The following FAM184B variants were observed in gnomAD, a reference collection of about 807,000 sequenced individuals.
FAM184B encodes family with sequence similarity 184 member B.
In FAM184B, 111 loss-of-function variants were observed where a neutral mutation model predicts 135.9. The ratio of observed to expected loss-of-function variants is 0.82; its 90% CI spans 0.70 to 0.96. FAM184B has a LOEUF of 0.96. Ranked by LOEUF, FAM184B falls within the 40% of genes least tolerant of loss-of-function variation. The probability of loss-of-function intolerance (pLI) is 0.00; values close to 1 mark genes in which losing one functional copy is unlikely to be tolerated. For synonymous variants in FAM184B, 552 were observed against 524.8 expected (o/e 1.05, Z -0.71); for missense variants, 1,375 against 1,323.9 (o/e 1.04, Z -0.60).
chr4:17,770,384 G>T (rs1417674402), intron 1 of FAM184B, among the ~76,000 whole-genome samples: 1 of 152,198 alleles, frequency 6.6e-6, no homozygotes, highest in African/African-American at 2.4e-5. Context: ...AATGGAGGTG[G>T]ACTTACTCAT....
intron 7 of FAM184B, 119 bp downstream of exon 7, chr4:17,688,305 A>T: frequency 1.5e-6 from 1 of 670,228 alleles, no homozygotes; most frequent in South Asian, 2.0e-5. Flanking sequence ...GCATTTTGGC[A>T]GTGTCGAGGA....
intron 12 of FAM184B, among the ~76,000 whole-genome samples, chr4:17,646,658 A>G (rs559242020): frequency 5.9e-5 from 9 of 152,198 alleles, no homozygotes; most frequent in Non-Finnish European, 1.2e-4. Flanking sequence ...GCAGCACACC[A>G]ACATGGCACA....
Position 17,781,027 on chromosome 4 carries a change from C to T in FAM184B, c.141+132G>A. 8.5e-7 allele frequency: 1 copy of T among 1,180,296 alleles called. No homozygotes were observed. Among genetic ancestry groups the T allele is most frequent in the Non-Finnish European group, 1.1e-6 (1 of 869,600 alleles). 73.1% of individuals were successfully genotyped at this position (1,180,296 alleles called of 1,614,324 possible). ...GTCACCCAGATTTAGGACCGCTTCCCTTCCCGGTTGGCCTCCGAGACAAAG... is the reference window on the plus strand; with the variant it reads ...GTCACCCAGATTTAGGACCGCTTCCTTTCCCGGTTGGCCTCCGAGACAAAG... On this transcript the variant is annotated intron_variant, in intron 1 of 17. Coordinates refer to ENST00000265018, the MANE Select transcript of FAM184B (RefSeq NM_015688.2). This position sits in a 1 kb window ranked among gnomAD's most constrained non-coding sequence, Gnocchi z 6.5.
intron 1 of FAM184B, among the ~76,000 whole-genome samples, chr4:17,723,887 T>A (rs1717584980): frequency 6.6e-6 from 1 of 152,154 alleles, no homozygotes; most frequent in African/African-American, 2.4e-5. Flanking sequence ...ATGACCTCTT[T>A]TGTTCGTGCC....
At chr4:17,729,025 T>C (rs1717706982) in intron 1 of FAM184B, among the ~76,000 whole-genome samples, 1 of 152,196 alleles carries the variant, frequency 6.6e-6, no homozygotes, top group South Asian at 2.1e-4. Flanking sequence ...AGACGGCACC[T>C]GGAAAATCGG....
intron 3 of FAM184B, 145 bp downstream of exon 3, chr4:17,707,504 A>T: frequency 1.0e-6 from 1 of 981,470 alleles, no homozygotes; most frequent in Non-Finnish European, 1.5e-6. Context: ...CCCTGCAGGG[A>T]TTGGTCTCAC....
At position 17,655,338 on chromosome 4, in the gene FAM184B, C is replaced by G. The variant is rs181471004; in HGVS notation, c.2038-2355G>C. Reference sequence around the variant, plus strand: ...ACTCTCTCACTCTGACCCAGCCTCTCTCCATCCCTGGGGGCAAGTAAAGGT... The same window carrying G: ...ACTCTCTCACTCTGACCCAGCCTCTGTCCATCCCTGGGGGCAAGTAAAGGT... On this transcript the variant is annotated intron_variant, in intron 10 of 17. Coordinates refer to ENST00000265018, the MANE Select transcript of FAM184B (RefSeq NM_015688.2). 2.6e-5 allele frequency among the ~76,000 whole-genome samples: 4 copies of G among 152,286 alleles called. No homozygotes were observed. In the East Asian group the frequency reaches 7.7e-4, roughly 29 times the overall value.
At position 17,781,532 on chromosome 4, in the gene FAM184B, G is replaced by C; in HGVS notation, c.-233C>G. 2 of 469,570 alleles carry C rather than the reference G, an allele frequency of 4.3e-6. No individual in the cohort carries two copies. The highest frequency in any genetic ancestry group is 3.6e-6 in the Non-Finnish European group (1 of 275,992). 29.1% of individuals were successfully genotyped at this position (469,570 alleles called of 1,614,324 possible). ...TGGTTCTCTGGCTGGCTGGCTCCGC[G>C]GGCACCCGCACCCTGCGGCGAGGCG... is the stretch of plus-strand genomic sequence containing the variant. On this transcript the variant is annotated 5_prime_UTR_variant, in exon 1 of 18. Transcript: ENST00000265018. The surrounding 1 kb of genome is among the most constrained non-coding windows in gnomAD (Gnocchi z 6.5).
rs547107682 is a variant in FAM184B, at chr4:17,696,842, A to G, written c.1378-3430T>C. Among the ~76,000 whole-genome samples, 139 of 149,444 alleles carry G rather than the reference A, an allele frequency of 9.3e-4. 1 individual carries two copies. Among genetic ancestry groups the G allele is most frequent in the African/African-American group, 2.6e-3 (102 of 39,698 alleles). On this transcript the variant is annotated intron_variant, in intron 5 of 17. Coordinates refer to ENST00000265018, the MANE Select transcript of FAM184B (RefSeq NM_015688.2). The stretch of plus-strand genomic sequence containing the variant: ...TGAATGAATGAATGAATAAATAAAT[A>G]AATAAATAAATAAATAGTAAAAGGG...
Position 17,631,989 on chromosome 4 carries a change from A to C in FAM184B, c.*543T>G, listed in dbSNP as rs1714959500. ...GAAATACAAGGTATGGGTCATTAGT[A>C]ACGCTAATAACATTTTCCTATAGAT... On this transcript the variant is annotated 3_prime_UTR_variant, in exon 18 of 18. Transcript: ENST00000265018. The C allele has an allele frequency of 6.6e-6, 1 of 151,112 alleles. No homozygotes were observed. The highest frequency in any genetic ancestry group is 1.5e-5 in the Non-Finnish European group (1 of 67,912). The allele number at this position is 151,112 out of a possible 1,614,324, so 9.4% of individuals were successfully genotyped here.
rs1277448672 is a variant in FAM184B, at chr4:17,781,007, C to A, written c.141+152G>T. ...TGGTGCCTCTAGAAGGTCAAGTCAC[C>A]CAGATTTAGGACCGCTTCCCTTCCC... On this transcript the variant is annotated intron_variant, in intron 1 of 17. Transcript: ENST00000265018. The surrounding 1 kb of genome is among the most constrained non-coding windows in gnomAD (Gnocchi z 6.5). 1.3e-5 allele frequency among the ~76,000 whole-genome samples: 2 copies of A among 152,100 alleles called. No homozygotes were observed. Among genetic ancestry groups the A allele is most frequent in the East Asian group, 3.9e-4 (2 of 5,156 alleles).
chr4:17,671,378 G>A (rs1207393563), intron 7 of FAM184B, among the ~76,000 whole-genome samples: 4 of 152,160 alleles, frequency 2.6e-5, no homozygotes, highest in Non-Finnish European at 5.9e-5. Context: ...GAAGAGAATG[G>A]AGGTGGAAAC....
chr4:17,698,983 G>A (rs979487043), intron 5 of FAM184B, among the ~76,000 whole-genome samples: 2 of 151,910 alleles, frequency 1.3e-5, no homozygotes, highest in Non-Finnish European at 2.9e-5. Context: ...TGACAGAGAT[G>A]ACAATGTTAA....
intron 7 of FAM184B, among the ~76,000 whole-genome samples, chr4:17,667,108 A>G (rs1465860322): frequency 1.3e-5 from 2 of 151,688 alleles, no homozygotes; most frequent in African/African-American, 4.8e-5. Context: ...ACAGGTATAC[A>G]CCCACCATGC....
chr4:17,729,270 C>T (rs1197233628), intron 1 of FAM184B, among the ~76,000 whole-genome samples: 3 of 152,218 alleles, frequency 2.0e-5, no homozygotes, highest in Admixed American at 2.0e-4. Context: ...TGGGTGGAGC[C>T]CACCACAGCT....
chr4:17,647,917 G>T (rs1715513195), intron 11 of FAM184B, 126 bp from the exon 12 acceptor site: 1 of 1,088,714 alleles, frequency 9.2e-7, no homozygotes, highest in Non-Finnish European at 1.3e-6. Context: ...TGGTGGGTTA[G>T]GTTCCCCAAA....
intron 7 of FAM184B, 65 bp downstream of exon 7, chr4:17,688,359 A>T: frequency 8.3e-7 from 1 of 1,208,946 alleles, no homozygotes; most frequent in Non-Finnish European, 1.2e-6. Flanking sequence ...GTTACTGGGG[A>T]CACTGAAAGG....
rs181913890 is a variant in FAM184B, at chr4:17,776,203, C to A, written c.141+4956G>T. Among the ~76,000 whole-genome samples, 272 of 152,182 alleles carry A rather than the reference C, an allele frequency of 1.8e-3. 1 individual carries two copies. The Middle Eastern group carries it at 0.027, about 15-fold the overall frequency. ...AGGAGCTTATTACTTTAAGGACATACTATCCACAAGTCAACTATAATATCA... is the reference window on the plus strand; with the variant it reads ...AGGAGCTTATTACTTTAAGGACATAATATCCACAAGTCAACTATAATATCA... On this transcript the variant is annotated intron_variant, in intron 1 of 17. Transcript: ENST00000265018.
intron 1 of FAM184B, among the ~76,000 whole-genome samples, chr4:17,765,222 G>T (rs1718633635): frequency 6.6e-6 from 1 of 152,110 alleles, no homozygotes; most frequent in Admixed American, 6.6e-5. Context: ...AGCACATCTT[G>T]TCTATCAGAT....
Sources: allele counts gnomAD v4.1 joint callset (sites outside exome capture counted in the v4.1 genomes callset), GRCh38; gene constraint gnomAD v4.1.1; non-coding constraint Gnocchi (gnomAD v3.1); transcripts MANE v1.5; gene names NCBI Gene and HGNC (gene_info 2026-07-23, HGNC 2026-07-21).